The following GNL3L variants were observed in gnomAD, a reference collection of about 807,000 sequenced individuals.
The protein encoded by GNL3L is guanine nucleotide-binding protein-like 3-like protein.
In GNL3L, 4 loss-of-function variants were observed where a neutral mutation model predicts 42.9. That is an observed-to-expected ratio of 0.09 (90% confidence interval 0.05 to 0.21). The LOEUF (loss-of-function observed/expected upper bound fraction) is 0.21, where lower values mean the gene tolerates loss of function less well. Ranked by LOEUF, GNL3L falls within the 10% of genes least tolerant of loss-of-function variation. The pLI, the probability that GNL3L is intolerant of heterozygous loss-of-function variation, is 1.00. For missense variants in GNL3L, 412 were observed against 481.7 expected (o/e 0.86, Z 1.36); for synonymous variants, 159 against 176.3 (o/e 0.90, Z 0.78).
At chrX:54,591,592 CA>C (rs56034612) in intron 16 of GNL3L, among the ~76,000 whole-genome samples, 3,884 of 62,243 alleles carry the variant, frequency 0.062, 75 homozygotes, top group South Asian at 0.13. Context: ...GACTTTGTCT[CA>C]AAAAAAAAAA....
At chrX:54,607,064 CTTTCTTTCTCTTTCTTTCTTCTTTCT>C (rs1569542612) in intron 16 of GNL3L, among the ~76,000 whole-genome samples, 10 of 42,100 alleles carry the variant, frequency 2.4e-4, no homozygotes, top group African/African-American at 3.8e-4. Context: ...TTCTTTCTTT[CTTTCTTTCTCTTTCTTTCTTCTTTCT>C]TTCTTTCTTT....
intron 5 of GNL3L, among the ~76,000 whole-genome samples, chrX:54,541,755 G>A (rs1047994841): frequency 4.5e-5 from 5 of 111,127 alleles, no homozygotes; most frequent in Admixed American, 9.6e-5. Context: ...CATATGTGAG[G>A]GGATGTTGTC....
chrX:54,541,497 A>T, intron 5 of GNL3L, 108 bp downstream of exon 5: 1 of 311,996 alleles, frequency 3.2e-6, no homozygotes, highest in East Asian at 8.3e-5. Flanking sequence ...CAAGGGAATC[A>T]GTGTAGAGAG....
At chrX:54,531,165 G>A (rs1262273248) in intron 1 of GNL3L, among the ~76,000 whole-genome samples, 2 of 111,991 alleles carry the variant, frequency 1.8e-5, no homozygotes, top group Non-Finnish European at 3.8e-5. Context: ...AGACAGTCAG[G>A]TCTGCCCCTT....
At position 54,589,762 on chromosome X, in the gene GNL3L, G is replaced by C. The variant is rs1178795867; in HGVS notation, c.*45+29115G>C. ...CTTTTGTGTACATACCCAGCAGTAG[G>C]ATTGCTGGATCATATGTTGGCTCTA... is the stretch of plus-strand genomic sequence containing the variant. On this transcript the variant is annotated intron_variant, in intron 16 of 16. Transcript: ENST00000674498. Among the ~76,000 whole-genome samples, 8 of 111,021 alleles carry C rather than the reference G, an allele frequency of 7.2e-5. No homozygotes were observed. The Admixed American group carries it at 7.7e-4, about 11-fold the overall frequency.
intron 14 of GNL3L, among the ~76,000 whole-genome samples, chrX:54,555,633 ATTTTTT>A (rs759334820): frequency 1.5e-5 from 1 of 66,396 alleles, no homozygotes; most frequent in South Asian, 6.7e-4. Context: ...ACCATGCCTA[ATTTTTT>A]TTTTTTTTTT....
At chrX:54,625,614 TGGTC>T (rs754073310), downstream of GNL3L, among the ~76,000 whole-genome samples, 2 of 111,073 alleles carry the variant, frequency 1.8e-5, no homozygotes, top group Non-Finnish European at 3.8e-5. Context: ...TAAGGGATAT[TGGTC>T]GGTAATATTC....
intron 16 of GNL3L, among the ~76,000 whole-genome samples, chrX:54,575,590 C>T (rs757765972): frequency 9.9e-4 from 110 of 111,569 alleles, no homozygotes; most frequent in African/African-American, 3.4e-3. Flanking sequence ...AAAAATTAGC[C>T]GGGTGTGGTG....
chrX:54,592,608 A>G (rs1324025285), intron 16 of GNL3L, among the ~76,000 whole-genome samples: 3 of 111,064 alleles, frequency 2.7e-5, no homozygotes, highest in Non-Finnish European at 5.7e-5. Flanking sequence ...TTGAGCCCAG[A>G]AGTTGGAAAC....
rs771090387 is a variant in GNL3L, at chrX:54,552,417, A to G, written c.1307A>G (p.Asp436Gly). The change falls in exon 13 of 16, where the codon GAC becomes GGC. Residue 436 changes from aspartate (D) to glycine (G), a missense_variant. Transcript: ENST00000360845. ...GAGGATACTGAGCAGGCCAATGAAGACACCATGGAATGTAAGTGTGGGCAG... is the reference window on the plus strand; with the variant it reads ...GAGGATACTGAGCAGGCCAATGAAGGCACCATGGAATGTAAGTGTGGGCAG... ...DIEDTEQANE[D>G]TMECLATGES... 2 of 1,210,451 alleles carry G rather than the reference A, an allele frequency of 1.7e-6. No individual in the cohort carries two copies. Among genetic ancestry groups the G allele is most frequent in the Non-Finnish European group, 2.2e-6 (2 of 894,406 alleles).
intron 16 of GNL3L, among the ~76,000 whole-genome samples, chrX:54,587,035 G>T (rs778598415): frequency 1.8e-5 from 2 of 111,571 alleles, no homozygotes; most frequent in Non-Finnish European, 1.9e-5. Flanking sequence ...CCACCACTTC[G>T]ATTGCTATCA....
At chrX:54,634,518 C>T in the GNL3L span, among the ~76,000 whole-genome samples, 2 of 110,182 alleles carry the variant, frequency 1.8e-5, no homozygotes, top group African/African-American at 3.3e-5. Context: ...CTTGCTCTGT[C>T]ACCAGGCTGG....
intron 16 of GNL3L, among the ~76,000 whole-genome samples, chrX:54,582,015 G>A (rs1422412767): frequency 8.9e-6 from 1 of 112,105 alleles, no homozygotes; most frequent in African/African-American, 3.2e-5. Flanking sequence ...AGTAGGTGCT[G>A]TCATTTGGAT....
rs1019999603 is a variant in GNL3L at position 54,602,616 on chromosome X, T to G, written c.*46-18229T>G. ...ATGGGATGTCACTCCCACCATTAGG[T>G]TATATTACATAAAACTCTTGTCTTG... On this transcript the variant is annotated intron_variant, in intron 16 of 16. Coordinates refer to the GNL3L transcript ENST00000674498. Among the ~76,000 whole-genome samples, 8 of 111,317 alleles carry G rather than the reference T, an allele frequency of 7.2e-5. No individual in the cohort carries two copies. In the Admixed American group the frequency reaches 7.7e-4, roughly 11 times the overall value.
At chrX:54,556,907 G>A (rs760805178) in intron 14 of GNL3L, among the ~76,000 whole-genome samples, 4 of 110,999 alleles carry the variant, frequency 3.6e-5, no homozygotes, top group Admixed American at 2.9e-4. Flanking sequence ...GAGGCCGGGC[G>A]CGGTGGCTCA....
intron 16 of GNL3L, among the ~76,000 whole-genome samples, chrX:54,573,581 A>T (rs779683598): frequency 1.8e-5 from 2 of 110,847 alleles, no homozygotes; most frequent in South Asian, 7.7e-4. Context: ...GGTAGTTTCT[A>T]TTTTATGCCT....
intron 16 of GNL3L, among the ~76,000 whole-genome samples, chrX:54,605,049 G>A (rs1340000080): frequency 9.0e-6 from 1 of 111,105 alleles, no homozygotes; most frequent in Non-Finnish European, 1.9e-5. Context: ...AGGGGACAGA[G>A]GAGCCCAGTC....
chrX:54,612,910 C>T (rs1420239351), intron 16 of GNL3L, among the ~76,000 whole-genome samples: 6 of 111,434 alleles, frequency 5.4e-5, no homozygotes, highest in Non-Finnish European at 9.4e-5. Context: ...TGTGGCTAGG[C>T]GAAGATCTTT....
At chrX:54,614,512 C>T (rs1437013423) in intron 16 of GNL3L, among the ~76,000 whole-genome samples, 3 of 111,232 alleles carry the variant, frequency 2.7e-5, no homozygotes, top group African/African-American at 3.3e-5. Context: ...ACCCCCTGCT[C>T]CTCTGGTCAT....
Sources: gnomAD v4.1 joint callset for allele counts (sites outside exome capture counted in the v4.1 genomes callset) on GRCh38, gnomAD v4.1.1 for gene constraint, MANE v1.5 for transcripts, NCBI Gene and HGNC (gene_info 2026-07-23, HGNC 2026-07-21) for gene names.